The following SOX5 variants were observed in gnomAD, a reference collection of about 807,000 sequenced individuals.
SOX5 encodes transcription factor SOX-5.
Under a neutral mutation model 92.0 loss-of-function variants are expected in SOX5, and 9 were observed. The ratio of observed to expected loss-of-function variants is 0.10; its 90% CI spans 0.06 to 0.17. SOX5 has a LOEUF of 0.17. Among genes scored for constraint, SOX5 ranks in the 10% least tolerant of loss-of-function variants. The pLI, the probability that SOX5 is intolerant of heterozygous loss-of-function variation, is 1.00. For missense variants in SOX5, 642 were observed against 944.5 expected (o/e 0.68, Z 4.20); for synonymous variants, 344 against 336.3 (o/e 1.02, Z -0.25).
chr12:24,480,242 A>G (rs1455858391), intron 1 of SOX5, among the ~76,000 whole-genome samples: 3 of 152,204 alleles, frequency 2.0e-5, no homozygotes, highest in South Asian at 2.1e-4. Context: ...CCCTCTTGCC[A>G]TATACAAAAA....
chr12:23,967,340 T>C (rs1002320411), intron 4 of SOX5, among the ~76,000 whole-genome samples: 13 of 152,046 alleles, frequency 8.6e-5, no homozygotes, highest in Admixed American at 1.3e-4. Context: ...TCAACTGGTA[T>C]TTTAAAAAAG....
At chr12:24,167,447 G>A (rs1029968194) in intron 4 of SOX5, among the ~76,000 whole-genome samples, 1 of 152,176 alleles carries the variant, frequency 6.6e-6, no homozygotes, top group Non-Finnish European at 1.5e-5. Flanking sequence ...GCTGAATTCA[G>A]AATTCACTGC....
intron 1 of SOX5, among the ~76,000 whole-genome samples, chr12:24,425,018 TA>T (rs932572108): frequency 6.7e-4 from 102 of 151,808 alleles, no homozygotes; most frequent in African/African-American, 2.4e-3. Flanking sequence ...AGCAATGAAA[TA>T]GGGGGGAGAG....
At chr12:24,391,727 C>T (rs1419609853) in intron 1 of SOX5, among the ~76,000 whole-genome samples, 2 of 152,164 alleles carry the variant, frequency 1.3e-5, no homozygotes, top group East Asian at 3.8e-4. Context: ...AGAACCCATA[C>T]TGGCTTCTGG....
At chr12:23,705,251 C>T (rs746009184) in intron 6 of SOX5, among the ~76,000 whole-genome samples, 18 of 152,028 alleles carry the variant, frequency 1.2e-4, no homozygotes, top group Non-Finnish European at 1.9e-4. Context: ...TCTTTAGCAA[C>T]GTTTAATACT....
chr12:24,401,208 C>T (rs985201597), intron 1 of SOX5, among the ~76,000 whole-genome samples: 4 of 151,986 alleles, frequency 2.6e-5, no homozygotes, highest in South Asian at 2.1e-4. Context: ...AAAAATTAGC[C>T]GGTCCTGGTG....
intron 1 of SOX5, among the ~76,000 whole-genome samples, chr12:24,407,239 C>T (rs1963178465): frequency 6.6e-6 from 1 of 151,992 alleles, no homozygotes; most frequent in African/African-American, 2.4e-5. Context: ...GAGGTGTGCC[C>T]CGGCAGCAGT....
chr12:24,026,211 T>C (rs1351382397), intron 4 of SOX5, among the ~76,000 whole-genome samples: 1 of 151,918 alleles, frequency 6.6e-6, no homozygotes, highest in African/African-American at 2.4e-5. Flanking sequence ...ACCACGGGAG[T>C]GAAGGTTCCA....
chr12:24,308,817 T>C (rs1025451346), intron 2 of SOX5, among the ~76,000 whole-genome samples: 28 of 152,272 alleles, frequency 1.8e-4, no homozygotes, highest in African/African-American at 6.7e-4. Flanking sequence ...CGTCTACCTA[T>C]GGAAAATTGA....
chr12:23,744,523 C>G (rs2093914430), intron 4 of SOX5, among the ~76,000 whole-genome samples: 2 of 152,128 alleles, frequency 1.3e-5, no homozygotes, highest in Admixed American at 6.6e-5. Flanking sequence ...TTCTCAACTA[C>G]CCATCCCTGC....
At chr12:24,030,136 T>C (rs1202308512) in intron 4 of SOX5, among the ~76,000 whole-genome samples, 1 of 151,954 alleles carries the variant, frequency 6.6e-6, no homozygotes, top group African/African-American at 2.4e-5. Flanking sequence ...CTAGAAAGTA[T>C]GCTCTTTGTG....
At chr12:24,151,155 A>G (rs1405520445) in intron 4 of SOX5, among the ~76,000 whole-genome samples, 1 of 152,140 alleles carries the variant, frequency 6.6e-6, no homozygotes, top group Non-Finnish European at 1.5e-5. Context: ...GGGTGGTTCC[A>G]TGTTTATAGT....
At chr12:24,215,437 T>C (rs1959093184) in intron 3 of SOX5, among the ~76,000 whole-genome samples, 1 of 152,126 alleles carries the variant, frequency 6.6e-6, no homozygotes, top group Non-Finnish European at 1.5e-5. Context: ...TAAAAATCAA[T>C]TGTATTTCTA....
rs141294378 is a variant in SOX5 at position 23,817,402 on chromosome 12, G to C, written c.481+28581C>G. On this transcript the variant is annotated intron_variant, in intron 3 of 14. Coordinates refer to ENST00000451604, the MANE Select transcript of SOX5 (RefSeq NM_006940.6). ...ATACATTATATGTCTAGCCTTATTAGTTGCAGCACCCAAAGGAAAGCAATT... is the reference window on the plus strand; with the variant it reads ...ATACATTATATGTCTAGCCTTATTACTTGCAGCACCCAAAGGAAAGCAATT... 1.8e-3 allele frequency among the ~76,000 whole-genome samples: 279 copies of C among 152,294 alleles called. 4 individuals are homozygous for C. In the East Asian group the frequency reaches 0.043, roughly 24 times the overall value.
At chr12:23,942,173 AT>A (rs1943772549) in intron 1 of SOX5, among the ~76,000 whole-genome samples, 1 of 151,826 alleles carries the variant, frequency 6.6e-6, no homozygotes, top group Non-Finnish European at 1.5e-5. Flanking sequence ...TTACTTTTTT[AT>A]CTTGTGTTCT....
chr12:23,848,041 A>G (rs1300326517), intron 2 of SOX5, among the ~76,000 whole-genome samples: 1 of 152,166 alleles, frequency 6.6e-6, no homozygotes, highest in Non-Finnish European at 1.5e-5. Flanking sequence ...TCATGTGCAA[A>G]CAGAATATTG....
intron 4 of SOX5, among the ~76,000 whole-genome samples, chr12:24,133,743 A>C (rs1260005993): frequency 6.6e-6 from 1 of 152,224 alleles, no homozygotes; most frequent in Non-Finnish European, 1.5e-5. Flanking sequence ...CAGGGAGAAC[A>C]AACAGCTCCT....
chr12:24,368,807 T>C (rs1472636225), intron 1 of SOX5, among the ~76,000 whole-genome samples: 1 of 152,234 alleles, frequency 6.6e-6, no homozygotes, highest in Non-Finnish European at 1.5e-5. Context: ...CTTATAAATC[T>C]AAATGACAAC....
chr12:24,195,403 G>A (rs776864918), intron 4 of SOX5, among the ~76,000 whole-genome samples: 3 of 152,082 alleles, frequency 2.0e-5, no homozygotes, highest in Non-Finnish European at 4.4e-5. Flanking sequence ...CAAGAGAACC[G>A]AGGCAATTAT....
Sources: gnomAD v4.1 joint callset for allele counts (sites outside exome capture counted in the v4.1 genomes callset) on GRCh38, gnomAD v4.1.1 for gene constraint, MANE v1.5 for transcripts, NCBI Gene and HGNC (gene_info 2026-07-23, HGNC 2026-07-21) for gene names.